CALCRL: variants seen among roughly 807,000 people sequenced by gnomAD.
CALCRL encodes the protein calcitonin receptor like receptor.
A neutral mutation model predicts 60.4 loss-of-function variants in CALCRL; 27 were observed. The ratio of observed to expected loss-of-function variants is 0.45; its 90% CI spans 0.33 to 0.62. The LOEUF (loss-of-function observed/expected upper bound fraction) is 0.62. Ranked by LOEUF, CALCRL falls within the 20% of genes least tolerant of loss-of-function variation. The pLI is 0.03. For missense variants in CALCRL, 424 were observed against 540.7 expected (o/e 0.78, Z 2.14); for synonymous variants, 190 against 182.6 (o/e 1.04, Z -0.33).
intron 3 of CALCRL, among the ~76,000 whole-genome samples, chr2:187,386,565 GA>G (rs1293068220): frequency 2.0e-5 from 3 of 152,082 alleles, no homozygotes; most frequent in African/African-American, 7.2e-5. Flanking sequence ...CTGAGCTAAT[GA>G]AAAATGGCCT....
intron 1 of CALCRL, among the ~76,000 whole-genome samples, chr2:187,398,446 A>G (rs1559061237): frequency 6.6e-6 from 1 of 151,650 alleles, no homozygotes; most frequent in Non-Finnish European, 1.5e-5. Context: ...TAAAATTTAT[A>G]TGGCACCTAC....
Position 187,352,389 on chromosome 2 carries a change from A to G in CALCRL, c.910-57T>C. The G allele has an allele frequency of 3.1e-6, 3 of 969,072 alleles. No homozygotes were observed. In the South Asian group the frequency reaches 4.3e-5, roughly 14 times the overall value. The allele number at this position is 969,072 out of a possible 1,614,324, so 60.0% of individuals were successfully genotyped here. On this transcript the variant is annotated intron_variant, in intron 12 of 14. Coordinates refer to ENST00000392370, the MANE Select transcript of CALCRL (RefSeq NM_005795.6). Reference sequence around the variant, plus strand: ...CATTTCATATTTAATATTAAGAAGCATTATTCAAGTATCTCCAATTTTATA... The same window carrying G: ...CATTTCATATTTAATATTAAGAAGCGTTATTCAAGTATCTCCAATTTTATA...
At chr2:187,429,613 T>C (rs1690310155) in intron 1 of CALCRL, among the ~76,000 whole-genome samples, 1 of 152,212 alleles carries the variant, frequency 6.6e-6, no homozygotes, top group African/African-American at 2.4e-5. Context: ...ACTGCAATCA[T>C]AGTTCTCATT....
In CALCRL at chr2:187,430,086, T is replaced by C. The variant is rs115434606; in HGVS notation, c.-293+17953A>G. On this transcript the variant is annotated intron_variant, in intron 1 of 14. Transcript: ENST00000392370. ...CTGATATTACTTCACATAAAAACCA[T>C]CAGGAAGAAAAATCCATCTGTCAGA... Among the ~76,000 whole-genome samples the C allele has an allele frequency of 8.7e-3, 1,326 of 152,178 alleles. 16 individuals carry two copies. The highest frequency in any genetic ancestry group is 0.03 in the African/African-American group (1,261 of 41,522).
chr2:187,387,151 T>C (rs1394035295), intron 3 of CALCRL, among the ~76,000 whole-genome samples, 178 bp downstream of exon 3: 2 of 152,222 alleles, frequency 1.3e-5, no homozygotes, highest in Non-Finnish European at 2.9e-5. Flanking sequence ...TTAGATTTAA[T>C]TTTGTTAGGA....
chr2:187,382,332 T>A (rs1688017154), intron 5 of CALCRL, among the ~76,000 whole-genome samples: 1 of 152,230 alleles, frequency 6.6e-6, no homozygotes, highest in Non-Finnish European at 1.5e-5. Flanking sequence ...GAAGGTGTAT[T>A]ATGCAATGAT....
At chr2:187,415,987 G>A (rs536683525) in intron 1 of CALCRL, among the ~76,000 whole-genome samples, 26 of 152,188 alleles carry the variant, frequency 1.7e-4, no homozygotes, top group Middle Eastern at 3.4e-3. Context: ...CCCTGAAGAC[G>A]GAGGGGCCTA....
intron 1 of CALCRL, among the ~76,000 whole-genome samples, chr2:187,433,896 A>T (rs528625180): frequency 6.6e-6 from 1 of 152,126 alleles, no homozygotes. Context: ...CACAAACTTC[A>T]ATGCTTTCTA....
chr2:187,415,806 C>G, intron 1 of CALCRL: 1 of 436,726 alleles, frequency 2.3e-6, no homozygotes, highest in Non-Finnish European at 4.2e-6. Flanking sequence ...GCTACACCAA[C>G]AGGGTGGTGG....
Position 187,352,141 on chromosome 2 carries a change from G to A in CALCRL, c.1101C>T (p.Tyr367=), listed in dbSNP as rs1686562617. The A allele has an allele frequency of 1.9e-6, 3 of 1,612,064 alleles. No individual in the cohort carries two copies. In the South Asian group the frequency reaches 3.3e-5, roughly 18 times the overall value. The part of the protein sequence containing the change: ...EGKIAEEVYD[Y]IMHILMHFQG... The stretch of plus-strand genomic sequence containing the variant: ...GGAAGTGCATAAGGATGTGCATGAT[G>A]TAGTCATATACCTCCTCTGCAATCT... The change falls in exon 13 of 15, where the codon TAC becomes TAT. Residue 367 remains tyrosine (Y), a synonymous_variant. Coordinates refer to ENST00000392370, the MANE Select transcript of CALCRL (RefSeq NM_005795.6).
chr2:187,421,460 T>C (rs1689868761), intron 1 of CALCRL, among the ~76,000 whole-genome samples: 1 of 152,206 alleles, frequency 6.6e-6, no homozygotes, highest in East Asian at 1.9e-4. Context: ...GTCTCTTTCA[T>C]AGGACCACCA....
At chr2:187,379,838 C>G (rs557848955) in intron 7 of CALCRL, among the ~76,000 whole-genome samples, 1 of 152,182 alleles carries the variant, frequency 6.6e-6, no homozygotes, top group African/African-American at 2.4e-5. Flanking sequence ...TTTTCAAGGT[C>G]AAACAGCTGG....
intron 4 of CALCRL, 49 bp from the exon 5 acceptor site, chr2:187,383,354 A>T: frequency 6.6e-7 from 1 of 1,514,196 alleles, no homozygotes; most frequent in Non-Finnish European, 8.9e-7. Flanking sequence ...AAGGATTATG[A>T]AAATGTGTTT....
At chr2:187,404,157 TA>T (rs370252307) in intron 1 of CALCRL, among the ~76,000 whole-genome samples, 10 of 151,022 alleles carry the variant, frequency 6.6e-5, no homozygotes, top group Non-Finnish European at 1.0e-4. Context: ...CAGGATGTGT[TA>T]AAAAAAAATG....
chr2:187,366,423 C>T (rs2105743647), intron 8 of CALCRL, among the ~76,000 whole-genome samples: 1 of 151,658 alleles, frequency 6.6e-6, no homozygotes, highest in South Asian at 2.1e-4. Context: ...TTGAATTTTC[C>T]CAACACAAAG....
Position 187,415,779 on chromosome 2 carries a change from G to C in CALCRL, c.-292-28023C>G. 1.1e-5 allele frequency: 5 copies of C among 465,476 alleles called. No individual in the cohort carries two copies. In the South Asian group the frequency reaches 1.3e-4, roughly 12 times the overall value. 28.8% of individuals were successfully genotyped at this position (465,476 alleles called of 1,614,324 possible). ...ACCACTTTGTCAAGCTCATTTCCTT[G>C]TATGACAATGAATTTGGCTACACCA... On this transcript the variant is annotated intron_variant, in intron 1 of 14. Coordinates refer to ENST00000392370, the MANE Select transcript of CALCRL (RefSeq NM_005795.6).
At chr2:187,408,124 T>G (rs927884641) in intron 1 of CALCRL, among the ~76,000 whole-genome samples, 28 of 152,024 alleles carry the variant, frequency 1.8e-4, no homozygotes, top group African/African-American at 6.5e-4. Flanking sequence ...GTCATTACTA[T>G]TACATCCAAG....
rs954411645 is a variant in CALCRL at position 187,387,442 on chromosome 2, C to G, written c.-150G>C. 4.4e-6 allele frequency: 1 copy of G among 225,684 alleles called. No individual in the cohort carries two copies. The highest frequency in any genetic ancestry group is 8.5e-6 in the Non-Finnish European group (1 of 117,468). The allele number at this position is 225,684 out of a possible 1,614,324, so 14.0% of individuals were successfully genotyped here. A position where few individuals can be genotyped will look rare whatever the true frequency, so the allele number is the denominator to read the frequency against. On this transcript the variant is annotated 5_prime_UTR_variant, in exon 3 of 15. Transcript: ENST00000392370. ...TAGTTTTCTTTTTAGTGGTAGCAAT[C>G]TTTCAAATATTGTTTTCTATAGGCT...
At chr2:187,363,307 C>A in intron 9 of CALCRL, 69 bp downstream of exon 9, 1 of 1,433,576 alleles carries the variant, frequency 7.0e-7, no homozygotes, top group Non-Finnish European at 9.5e-7. Flanking sequence ...ACACATTATG[C>A]ATATATCAGC....
Sources: allele counts gnomAD v4.1 joint callset (sites outside exome capture counted in the v4.1 genomes callset), GRCh38; gene constraint gnomAD v4.1.1; transcripts MANE v1.5; gene names NCBI Gene and HGNC (gene_info 2026-07-23, HGNC 2026-07-21).